FAM107B: variants seen among roughly 807,000 people sequenced by gnomAD.
FAM107B encodes protein FAM107B.
Under a neutral mutation model 31.5 loss-of-function variants are expected in FAM107B, and 21 were observed. The ratio of observed to expected loss-of-function variants is 0.67; its 90% confidence interval spans 0.47 to 0.96. FAM107B has a LOEUF of 0.96. Among genes scored for constraint, FAM107B ranks in the 40% least tolerant of loss-of-function variants. FAM107B has a pLI of 0.00. For synonymous variants in FAM107B, 157 were observed against 141.5 expected (o/e 1.11, Z -0.78); for missense variants, 452 against 377.1 (o/e 1.20, Z -1.64).
chr10:14,642,330 C>T (rs1381205681), intron 2 of FAM107B, among the ~76,000 whole-genome samples: 1 of 152,202 alleles, frequency 6.6e-6, no homozygotes, highest in Admixed American at 6.5e-5. Context: ...CAAGGCTCCT[C>T]TGGATGGTCC....
chr10:14,648,064 CAA>C (rs199512621), intron 2 of FAM107B, among the ~76,000 whole-genome samples: 1 of 144,326 alleles, frequency 6.9e-6, no homozygotes, highest in African/African-American at 2.5e-5. Context: ...AAAGACGTGC[CAA>C]AAAAAAAAAG....
intron 2 of FAM107B, among the ~76,000 whole-genome samples, chr10:14,568,062 G>A (rs982188804): frequency 1.3e-5 from 2 of 152,214 alleles, no homozygotes; most frequent in Non-Finnish European, 2.9e-5. Flanking sequence ...TGTGAGCCAG[G>A]GGCCAAAACT....
intron 1 of FAM107B, among the ~76,000 whole-genome samples, chr10:14,757,549 A>G (rs1832955464): frequency 6.6e-6 from 1 of 152,186 alleles, no homozygotes; most frequent in Admixed American, 6.5e-5. Context: ...AGCGAATCCA[A>G]AATTTCCCTG....
At chr10:14,722,247 T>C (rs550544172) in intron 1 of FAM107B, among the ~76,000 whole-genome samples, 1 of 152,208 alleles carries the variant, frequency 6.6e-6, no homozygotes, top group Admixed American at 6.5e-5. Context: ...TCTATCCCTA[T>C]AGGTTTGCCA....
intron 2 of FAM107B, among the ~76,000 whole-genome samples, chr10:14,625,190 C>T (rs1053739465): frequency 6.8e-6 from 1 of 148,118 alleles, no homozygotes; most frequent in Admixed American, 6.8e-5. Context: ...GGCACCACTG[C>T]AGTCCAGCCT....
At position 14,726,485 on chromosome 10, in the gene FAM107B, GCCAGA is replaced by G. The variant is rs1049099018; in HGVS notation, c.411+47763_411+47767del. 6.6e-5 allele frequency among the ~76,000 whole-genome samples: 10 copies of G among 152,182 alleles called. 1 individual carries two copies. On this transcript the variant is annotated intron_variant, in intron 1 of 4. Coordinates refer to ENST00000181796, the MANE Select transcript of FAM107B (RefSeq NM_031453.4). ...AAGCCATAGCACAGTGCAGCATGGA[GCCAGA>G]CTTGAAAGACAGTCAAGCATTTGTC...
chr10:14,547,169 A>C (rs573049087), intron 2 of FAM107B, among the ~76,000 whole-genome samples: 1 of 152,344 alleles, frequency 6.6e-6, no homozygotes, highest in African/African-American at 2.4e-5. Flanking sequence ...GAAGCAAGCT[A>C]AACGAAGCCA....
At position 14,579,574 on chromosome 10, in the gene FAM107B, T is replaced by C. The variant is rs79608434; in HGVS notation, c.470-49059A>G. ...CAAGCAAAGAAATGGAAATTCTACTTAAGCAAATCCAGAAATTTCTGTTAG... is the reference window on the plus strand; with the variant it reads ...CAAGCAAAGAAATGGAAATTCTACTCAAGCAAATCCAGAAATTTCTGTTAG... On this transcript the variant is annotated intron_variant, in intron 2 of 4. Transcript: ENST00000181796. Among the ~76,000 whole-genome samples, 694 of 152,322 alleles carry C rather than the reference T, an allele frequency of 4.6e-3. 6 individuals carry two copies. The highest frequency in any genetic ancestry group is 0.016 in the African/African-American group (665 of 41,572).
At chr10:14,564,828 A>T (rs1201688822) in intron 2 of FAM107B, among the ~76,000 whole-genome samples, 2 of 152,394 alleles carry the variant, frequency 1.3e-5, no homozygotes, top group East Asian at 1.9e-4. Context: ...TATTTCTAAT[A>T]TCTCAAGAAC....
At chr10:14,666,961 C>G (rs2131471884) in intron 2 of FAM107B, among the ~76,000 whole-genome samples, 1 of 152,320 alleles carries the variant, frequency 6.6e-6, no homozygotes, top group African/African-American at 2.4e-5. Flanking sequence ...GCAAACACGT[C>G]TGGAGCCATC....
chr10:14,687,307 C>T (rs1408573513), intron 1 of FAM107B, among the ~76,000 whole-genome samples: 3 of 152,140 alleles, frequency 2.0e-5, no homozygotes, highest in Admixed American at 6.5e-5. Flanking sequence ...CTCTTTGCAA[C>T]CTCACGGTCA....
intron 2 of FAM107B, among the ~76,000 whole-genome samples, chr10:14,657,780 C>T (rs541495591): frequency 2.6e-5 from 4 of 151,952 alleles, no homozygotes; most frequent in Non-Finnish European, 5.9e-5. Context: ...TCTAATAAAC[C>T]TCCAGCAACA....
chr10:14,548,759 G>C, intron 2 of FAM107B: 1 of 585,052 alleles, frequency 1.7e-6, no homozygotes, highest in Non-Finnish European at 2.2e-6. Context: ...GCATCCAGCA[G>C]GGAAGAGGGG....
At chr10:14,703,615 G>A (rs972170976) in intron 1 of FAM107B, among the ~76,000 whole-genome samples, 4 of 152,126 alleles carry the variant, frequency 2.6e-5, no homozygotes, top group East Asian at 1.9e-4. Flanking sequence ...GATTACAGGC[G>A]TGAGCCACTG....
intron 1 of FAM107B, among the ~76,000 whole-genome samples, chr10:14,709,723 T>C (rs968995817): frequency 1.3e-5 from 2 of 152,132 alleles, no homozygotes; most frequent in South Asian, 2.1e-4. Flanking sequence ...ATCCAGACAA[T>C]GGGATATTAT....
At chr10:14,550,002 C>A (rs117942689) in intron 2 of FAM107B, among the ~76,000 whole-genome samples, 3 of 152,062 alleles carry the variant, frequency 2.0e-5, no homozygotes, top group Non-Finnish European at 2.9e-5. Flanking sequence ...GTTTTTCTTA[C>A]GGGAATGGAA....
At chr10:14,687,726 A>G (rs1361571153) in intron 1 of FAM107B, among the ~76,000 whole-genome samples, 1 of 152,138 alleles carries the variant, frequency 6.6e-6, no homozygotes, top group Non-Finnish European at 1.5e-5. Flanking sequence ...CTGCCTCTAA[A>G]AGTTTCTCTG....
intron 2 of FAM107B, among the ~76,000 whole-genome samples, chr10:14,608,004 A>G (rs1366126597): frequency 6.6e-6 from 1 of 150,760 alleles, no homozygotes; most frequent in Non-Finnish European, 1.5e-5. Context: ...AAAATCGAAC[A>G]AAGCAGAAAT....
intron 1 of FAM107B, among the ~76,000 whole-genome samples, chr10:14,689,840 A>G (rs147872884): frequency 4.9e-4 from 75 of 151,936 alleles, no homozygotes; most frequent in Non-Finnish European, 3.5e-4. Flanking sequence ...GTGCATTCCT[A>G]TAATCCCAGC....
Sources: allele counts gnomAD v4.1 joint callset (sites outside exome capture counted in the v4.1 genomes callset), GRCh38; gene constraint gnomAD v4.1.1; transcripts MANE v1.5; gene names NCBI Gene and HGNC (gene_info 2026-07-23, HGNC 2026-07-21).